The following MAGI2 variants were observed in gnomAD, a reference collection of about 807,000 sequenced individuals.
MAGI2 encodes membrane associated guanylate kinase, WW and PDZ domain containing 2, also known as membrane-associated guanylate kinase, WW and PDZ domain-containing protein 2.
A neutral mutation model predicts 133.3 loss-of-function variants in MAGI2; 35 were observed. The ratio of observed to expected loss-of-function variants is 0.26; its 90% CI spans 0.20 to 0.35. The LOEUF is 0.35. Among genes scored for constraint, MAGI2 ranks in the 10% least tolerant of loss-of-function variants. MAGI2 has a pLI of 1.00. For missense variants in MAGI2, 1,636 were observed against 1,863.4 expected (o/e 0.88, Z 2.25); for synonymous variants, 729 against 710.6 (o/e 1.03, Z -0.41).
chr7:79,167,941 C>T (rs558684096), intron 1 of MAGI2, among the ~76,000 whole-genome samples: 52 of 152,194 alleles, frequency 3.4e-4, no homozygotes, highest in East Asian at 1.4e-3. Flanking sequence ...GGTGGTAAAC[C>T]GCTTAAAGGC....
chr7:79,164,046 T>C (rs1475911139), intron 1 of MAGI2, among the ~76,000 whole-genome samples: 2 of 152,046 alleles, frequency 1.3e-5, no homozygotes, highest in Non-Finnish European at 2.9e-5. Context: ...TTAAAACGAT[T>C]ACCATCAAAT....
At chr7:78,802,977 G>GT (rs892788560) in intron 2 of MAGI2, among the ~76,000 whole-genome samples, 16 of 149,182 alleles carry the variant, frequency 1.1e-4, no homozygotes, top group Non-Finnish European at 2.1e-4. Context: ...ATGCCTTGGA[G>GT]TTTTTTTCAA....
At chr7:78,305,548 G>A (rs376932604) in intron 9 of MAGI2, among the ~76,000 whole-genome samples, 2 of 152,220 alleles carry the variant, frequency 1.3e-5, no homozygotes, top group South Asian at 2.1e-4. Context: ...GTGTTCTATG[G>A]TAATATGCAA....
intron 2 of MAGI2, among the ~76,000 whole-genome samples, chr7:78,654,203 C>T (rs1811888065): frequency 6.6e-6 from 1 of 152,124 alleles, no homozygotes; most frequent in Admixed American, 6.6e-5. Context: ...CACTTACTAG[C>T]TGGGCAAGCT....
At chr7:79,443,263 AGTGTGTGTGTGTGTGTGTGTGCGTGT>A (rs1396080281) in intron 1 of MAGI2, among the ~76,000 whole-genome samples, 3 of 143,672 alleles carry the variant, frequency 2.1e-5, no homozygotes, top group East Asian at 4.2e-4. Context: ...TAGTGTTTGA[AGTGTGTGTGTGTGTGTGTGTGCGTGT>A]GTGTGTGTGT....
chr7:78,302,395 G>A (rs755727378), intron 9 of MAGI2, among the ~76,000 whole-genome samples: 78 of 152,108 alleles, frequency 5.1e-4, no homozygotes, highest in Non-Finnish European at 9.6e-4. Context: ...CTGTCAGTGT[G>A]GTGAATATTT....
At chr7:78,561,850 G>A (rs1158102567) in intron 3 of MAGI2, among the ~76,000 whole-genome samples, 2 of 152,158 alleles carry the variant, frequency 1.3e-5, no homozygotes, top group Non-Finnish European at 1.5e-5. Flanking sequence ...GAAAAGTAAG[G>A]GCACGAAGGT....
chr7:78,629,805 G>A (rs778526097), intron 2 of MAGI2, among the ~76,000 whole-genome samples: 1 of 151,948 alleles, frequency 6.6e-6, no homozygotes, highest in Non-Finnish European at 1.5e-5. Flanking sequence ...TTCTTTCTTG[G>A]TAAAGAGACA....
chr7:78,561,509 T>C (rs1426469409), intron 3 of MAGI2, among the ~76,000 whole-genome samples: 4 of 152,146 alleles, frequency 2.6e-5, no homozygotes, highest in Non-Finnish European at 4.4e-5. Context: ...TCATATTAAG[T>C]TGGTGCAAAA....
At chr7:78,788,071 C>A (rs1826978395) in intron 2 of MAGI2, among the ~76,000 whole-genome samples, 1 of 152,166 alleles carries the variant, frequency 6.6e-6, no homozygotes, top group Non-Finnish European at 1.5e-5. Flanking sequence ...CCTGACAGAT[C>A]CTGGATGAGC....
chr7:78,453,528 T>C (rs1788954537), intron 6 of MAGI2, among the ~76,000 whole-genome samples: 1 of 152,196 alleles, frequency 6.6e-6, no homozygotes, highest in Non-Finnish European at 1.5e-5. Flanking sequence ...CTCTTCTCTT[T>C]TGCTCTGTAT....
intron 1 of MAGI2, among the ~76,000 whole-genome samples, chr7:79,449,877 C>CATATATAT (rs59881896): frequency 0.033 from 3,968 of 120,554 alleles, 130 homozygotes; most frequent in African/African-American, 0.065. Flanking sequence ...GAGATATATA[C>CATATATAT]ATATATATAT....
intron 1 of MAGI2, among the ~76,000 whole-genome samples, chr7:79,425,866 G>A (rs1250547331): frequency 6.6e-6 from 1 of 152,028 alleles, no homozygotes; most frequent in Non-Finnish European, 1.5e-5. Flanking sequence ...TCTGCACTAT[G>A]AAGCATTGTG....
chr7:78,663,662 G>C (rs1217220720), intron 2 of MAGI2, among the ~76,000 whole-genome samples: 1 of 152,154 alleles, frequency 6.6e-6, no homozygotes, highest in Non-Finnish European at 1.5e-5. Context: ...ACCTTAGCAC[G>C]ATTACCATGT....
chr7:78,311,537 T>G (rs1200881668), intron 9 of MAGI2, among the ~76,000 whole-genome samples: 1 of 152,154 alleles, frequency 6.6e-6, no homozygotes, highest in Non-Finnish European at 1.5e-5. Context: ...CATGGCATTT[T>G]CCTGTGAAAA....
At chr7:78,505,707 A>T (rs1795024402) in intron 4 of MAGI2, among the ~76,000 whole-genome samples, 1 of 152,212 alleles carries the variant, frequency 6.6e-6, no homozygotes, top group Non-Finnish European at 1.5e-5. Flanking sequence ...GGAACTCCAA[A>T]TATGTCAAGA....
chr7:78,162,921 A>G (rs1825221384), intron 15 of MAGI2, among the ~76,000 whole-genome samples: 2 of 152,100 alleles, frequency 1.3e-5, no homozygotes, highest in Non-Finnish European at 2.9e-5. Context: ...CTTCTTTCCA[A>G]TGGTCTTTCC....
chr7:78,536,512 G>C (rs1269217003), intron 3 of MAGI2, among the ~76,000 whole-genome samples: 2 of 152,146 alleles, frequency 1.3e-5, no homozygotes, highest in Non-Finnish European at 2.9e-5. Flanking sequence ...TGGGCTAGTG[G>C]AAGGTGATGG....
intron 2 of MAGI2, among the ~76,000 whole-genome samples, chr7:78,996,554 G>T (rs899739082): frequency 3.0e-4 from 46 of 151,970 alleles, no homozygotes; most frequent in African/African-American, 1.1e-3. Context: ...AGTAACTAAT[G>T]GATACTGGGC....
Sources: gnomAD v4.1 joint callset for allele counts (sites outside exome capture counted in the v4.1 genomes callset) on GRCh38, gnomAD v4.1.1 for gene constraint, MANE v1.5 for transcripts, NCBI Gene and HGNC (gene_info 2026-07-23, HGNC 2026-07-21) for gene names.